RUNDC3B: variants seen among roughly 807,000 people sequenced by gnomAD.
RUNDC3B encodes the protein RUN domain containing 3B.
Under a neutral mutation model 58.4 loss-of-function variants are expected in RUNDC3B, and 33 were observed. The ratio of observed to expected loss-of-function variants is 0.56; its 90% CI spans 0.43 to 0.75. The LOEUF (loss-of-function observed/expected upper bound fraction) is 0.75. Among genes scored for constraint, RUNDC3B ranks in the 30% least tolerant of loss-of-function variants. RUNDC3B has a pLI of 0.00. For synonymous variants in RUNDC3B, 193 were observed against 195.2 expected (o/e 0.99, Z 0.10); for missense variants, 501 against 535.7 (o/e 0.94, Z 0.64).
chr7:87,731,530 C>T (rs2130794438), intron 4 of RUNDC3B, among the ~76,000 whole-genome samples: 1 of 152,222 alleles, frequency 6.6e-6, no homozygotes, highest in Admixed American at 6.5e-5. Flanking sequence ...AAACATATTT[C>T]AGCTATAAAG....
intron 7 of RUNDC3B, among the ~76,000 whole-genome samples, chr7:87,772,298 G>A (rs1834327847): frequency 6.6e-6 from 1 of 151,600 alleles, no homozygotes; most frequent in Non-Finnish European, 1.5e-5. Context: ...GCCTATACAA[G>A]CCAGCTACAG....
chr7:87,732,216 T>C (rs1469468489), intron 4 of RUNDC3B, among the ~76,000 whole-genome samples: 1 of 151,984 alleles, frequency 6.6e-6, no homozygotes, highest in Non-Finnish European at 1.5e-5. Flanking sequence ...CAAATGCACA[T>C]GGAAACACAA....
chr7:87,724,119 A>G (rs901186030), intron 4 of RUNDC3B, among the ~76,000 whole-genome samples: 10 of 152,090 alleles, frequency 6.6e-5, no homozygotes, highest in African/African-American at 2.4e-4. Context: ...GCTACTCAAG[A>G]GGCTGAAGTG....
At chr7:87,782,714 T>C (rs1369634649) in intron 8 of RUNDC3B, among the ~76,000 whole-genome samples, 2 of 152,196 alleles carry the variant, frequency 1.3e-5, no homozygotes, top group Non-Finnish European at 2.9e-5. Context: ...CTTAACTTCA[T>C]TGTTTACTTA....
chr7:87,699,942 C>G (rs902212501), intron 2 of RUNDC3B, among the ~76,000 whole-genome samples: 6 of 152,000 alleles, frequency 3.9e-5, no homozygotes, highest in African/African-American at 1.4e-4. Context: ...GTAAACAACA[C>G]ATTGTATACC....
chr7:87,722,931 CACAA>C (rs1280748399), intron 4 of RUNDC3B, among the ~76,000 whole-genome samples: 1 of 152,160 alleles, frequency 6.6e-6, no homozygotes, highest in Non-Finnish European at 1.5e-5. Context: ...CCTCAGGCAC[CACAA>C]ACAAACGCAT....
chr7:87,664,442 G>A (rs887569794), intron 2 of RUNDC3B, among the ~76,000 whole-genome samples: 1 of 152,154 alleles, frequency 6.6e-6, no homozygotes, highest in Admixed American at 6.6e-5. Flanking sequence ...CTTATTGTGA[G>A]ATGACCCAGA....
chr7:87,826,015 G>T (rs964144509), intron 10 of RUNDC3B, among the ~76,000 whole-genome samples: 3 of 152,134 alleles, frequency 2.0e-5, no homozygotes, highest in Non-Finnish European at 4.4e-5. Context: ...ATTGGACTGT[G>T]GACTTTTGAA....
At chr7:87,642,625 T>G (rs1284465732) in intron 1 of RUNDC3B, among the ~76,000 whole-genome samples, 2 of 151,914 alleles carry the variant, frequency 1.3e-5, no homozygotes, top group Admixed American at 1.3e-4. Flanking sequence ...TTTATTTATT[T>G]ATTTAACATA....
chr7:87,793,724 A>T (rs1417146306), intron 8 of RUNDC3B, among the ~76,000 whole-genome samples: 1 of 152,182 alleles, frequency 6.6e-6, no homozygotes, highest in African/African-American at 2.4e-5. Context: ...ATCCACAGCT[A>T]GTATACTGAA....
intron 8 of RUNDC3B, among the ~76,000 whole-genome samples, chr7:87,789,671 T>C (rs1423077194): frequency 6.6e-6 from 1 of 152,200 alleles, no homozygotes; most frequent in African/African-American, 2.4e-5. Flanking sequence ...CAAGAAAATG[T>C]ATCCAGAAGA....
At chr7:87,629,920 CA>C (rs202130650) in intron 1 of RUNDC3B, among the ~76,000 whole-genome samples, 15,035 of 112,456 alleles carry the variant, frequency 0.13, 927 homozygotes, top group African/African-American at 0.23. Flanking sequence ...GAGACTTCGT[CA>C]AAAAAAAAAA....
intron 4 of RUNDC3B, among the ~76,000 whole-genome samples, chr7:87,716,628 G>A (rs531955919): frequency 6.6e-6 from 1 of 152,250 alleles, no homozygotes; most frequent in Non-Finnish European, 1.5e-5. Context: ...GAATAAGAAA[G>A]CCAAGAAACT....
intron 2 of RUNDC3B, among the ~76,000 whole-genome samples, chr7:87,682,461 A>G (rs1563130071): frequency 2.0e-5 from 3 of 152,208 alleles, no homozygotes; most frequent in Admixed American, 6.5e-5. Context: ...TACTTTTTCA[A>G]TAGTAAGACT....
Position 87,816,209 on chromosome 7 carries a change from G to A in RUNDC3B, c.1172G>A (p.Gly391Asp), listed in dbSNP as rs749459248. 3.1e-6 allele frequency: 5 copies of A among 1,610,672 alleles called. No individual in the cohort carries two copies. Among genetic ancestry groups the A allele is most frequent in the East Asian group, 2.2e-5 (1 of 44,822 alleles). Residue 391 changes from glycine (G) to aspartate (D), a missense_variant, in exon 10 of 11, where the codon GGC becomes GAC. By Grantham distance (94) the Gly-to-Asp change is moderately conservative (BLOSUM62 -1). Transcript: ENST00000394654. ...VSLSQTSLDP[G>D]QSQEGDGKQD... ...CTTTCTCAGACTTCACTAGATCCAG[G>A]CCAGTCACAAGAAGGAGATGGAAAA...
chr7:87,785,138 C>T (rs1835140112), intron 8 of RUNDC3B, among the ~76,000 whole-genome samples: 1 of 152,092 alleles, frequency 6.6e-6, no homozygotes, highest in Admixed American at 6.5e-5. Context: ...TGGGATCCCC[C>T]AAACAGATCT....
chr7:87,819,004 TG>T (rs1192545713), intron 10 of RUNDC3B, among the ~76,000 whole-genome samples: 1 of 152,166 alleles, frequency 6.6e-6, no homozygotes, highest in Non-Finnish European at 1.5e-5. Flanking sequence ...GAACGAGCTA[TG>T]GGGAGTCTGT....
chr7:87,815,954 C>T (rs759902400), intron 9 of RUNDC3B, among the ~76,000 whole-genome samples, 187 bp from the exon 10 acceptor site: 1 of 151,776 alleles, frequency 6.6e-6, no homozygotes, highest in Admixed American at 6.6e-5. Flanking sequence ...AACAGATATG[C>T]CTTGAAAGAT....
At chr7:87,632,119 A>G (rs887170174) in intron 1 of RUNDC3B, among the ~76,000 whole-genome samples, 1 of 152,124 alleles carries the variant, frequency 6.6e-6, no homozygotes, top group Non-Finnish European at 1.5e-5. Context: ...AACCAAAAAA[A>G]AAAAAAGTCA....
Sources: gnomAD v4.1 joint callset for allele counts (sites outside exome capture counted in the v4.1 genomes callset) on GRCh38, gnomAD v4.1.1 for gene constraint, MANE v1.5 for transcripts, NCBI Gene and HGNC (gene_info 2026-07-23, HGNC 2026-07-21) for gene names.